The following DCAF7 variants were observed in gnomAD, a reference collection of about 807,000 sequenced individuals.
DCAF7 encodes the protein DDB1 and CUL4 associated factor 7.
Under a neutral mutation model 41.2 loss-of-function variants are expected in DCAF7, and 4 were observed. That is an observed-to-expected ratio of 0.10 (90% CI 0.05 to 0.22). The LOEUF is 0.22. Ranked by LOEUF, DCAF7 falls within the 10% of genes least tolerant of loss-of-function variation. The pLI is 1.00. For missense variants in DCAF7, 131 were observed against 443.2 expected (o/e 0.30, Z 6.32); for synonymous variants, 143 against 164.2 (o/e 0.87, Z 0.99).
At chr17:63,558,370 C>T (rs781128186) in intron 1 of DCAF7, among the ~76,000 whole-genome samples, 9 of 152,220 alleles carry the variant, frequency 5.9e-5, no homozygotes, top group Non-Finnish European at 1.3e-4. Flanking sequence ...GCTATAAATA[C>T]TTGGGGATAT....
chr17:63,559,368 T>C (rs1352993080), intron 1 of DCAF7, among the ~76,000 whole-genome samples: 1 of 83,142 alleles, frequency 1.2e-5, no homozygotes, highest in African/African-American at 6.7e-5. Context: ...TGTATGTATA[T>C]ATATATGTGT....
chr17:63,561,984 G>A (rs1301347598), intron 1 of DCAF7, among the ~76,000 whole-genome samples: 1 of 130,388 alleles, frequency 7.7e-6, no homozygotes, highest in East Asian at 2.3e-4. Context: ...TCTCCAGAGT[G>A]TTCAGAATAA....
At chr17:63,563,092 T>A (rs1327701565) in intron 1 of DCAF7, among the ~76,000 whole-genome samples, 1 of 152,072 alleles carries the variant, frequency 6.6e-6, no homozygotes, top group African/African-American at 2.4e-5. Context: ...CCCAAAATAG[T>A]GGGATAATGG....
At chr17:63,555,850 G>A (rs2033305409) in intron 1 of DCAF7, among the ~76,000 whole-genome samples, 1 of 152,176 alleles carries the variant, frequency 6.6e-6, no homozygotes, top group South Asian at 2.1e-4. Flanking sequence ...ACTTATTGGA[G>A]ATGCTGTCAC....
At chr17:63,572,949 G>T (rs1220285053) in intron 1 of DCAF7, among the ~76,000 whole-genome samples, 2 of 152,076 alleles carry the variant, frequency 1.3e-5, no homozygotes, top group East Asian at 3.9e-4. Context: ...TTTTTGTAGA[G>T]ATGAAGTTTC....
intron 1 of DCAF7, among the ~76,000 whole-genome samples, chr17:63,572,982 C>T (rs1462238293): frequency 6.6e-6 from 1 of 152,120 alleles, no homozygotes; most frequent in Non-Finnish European, 1.5e-5. Flanking sequence ...AGTCTAGTCT[C>T]GAATTCCTGG....
At chr17:63,568,724 G>A (rs2033472069) in intron 1 of DCAF7, among the ~76,000 whole-genome samples, 1 of 152,178 alleles carries the variant, frequency 6.6e-6, no homozygotes, top group Non-Finnish European at 1.5e-5. Context: ...GCAAGAATGA[G>A]CCTCAGGCCT....
Position 63,579,994 on chromosome 17 carries a change from G to A in DCAF7, c.528+51G>A, listed in dbSNP as rs113553586. 4.4e-3 allele frequency: 6,264 copies of A among 1,412,486 alleles called. 237 individuals are homozygous for A. The African/African-American group carries it at 0.078, about 18-fold the overall frequency. The allele number at this position is 1,412,486 out of a possible 1,614,324, so 87.5% of individuals were successfully genotyped here. On this transcript the variant is annotated intron_variant, in intron 4 of 6. Coordinates refer to ENST00000614556, the MANE Select transcript of DCAF7 (RefSeq NM_005828.5). The stretch of plus-strand genomic sequence containing the variant: ...TCCTCAAATGCTTCCTGTGCCTTCC[G>A]CACAGGAAGAGGTCAGCTTGTTCTC...
At chr17:63,564,906 A>T (rs2033424383) in intron 1 of DCAF7, among the ~76,000 whole-genome samples, 1 of 152,226 alleles carries the variant, frequency 6.6e-6, no homozygotes, top group Admixed American at 6.5e-5. Flanking sequence ...ATAGGCGGAA[A>T]TGTGGTGTTG....
intron 5 of DCAF7, among the ~76,000 whole-genome samples, chr17:63,584,350 T>C (rs2033654998): frequency 6.6e-6 from 1 of 152,014 alleles, no homozygotes; most frequent in Admixed American, 6.6e-5. Flanking sequence ...CGCCTGTAGT[T>C]CCAGCTATTC....
rs745412598 is a variant in DCAF7 at position 63,550,799 on chromosome 17, A to G, written c.122A>G (p.Glu41Gly). 1.2e-6 allele frequency: 2 copies of G among 1,613,748 alleles called. No individual in the cohort carries two copies. Among genetic ancestry groups the G allele is most frequent in the Non-Finnish European group, 1.7e-6 (2 of 1,179,782 alleles). ...CGCTTGGCGCTGGGCAGCTTCGTGG[A>G]GGAGTACAACAACAAGGTGGGCCGG... ...RFRLALGSFV[E>G]EYNNKVQLVG... Residue 41 changes from glutamate to glycine, a missense_variant, in exon 1 of 7, where the codon GAG (glutamate) becomes GGG (glycine). By Grantham distance (98) the Glu-to-Gly change is moderately conservative. Transcript: ENST00000614556. The surrounding 1 kb of genome is among the most constrained non-coding windows in gnomAD (Gnocchi z 4.8).
At chr17:63,567,716 G>A (rs944446316) in intron 1 of DCAF7, among the ~76,000 whole-genome samples, 10 of 152,072 alleles carry the variant, frequency 6.6e-5, no homozygotes, top group African/African-American at 2.4e-4. Context: ...CTGGAGTGCG[G>A]TGGCACAATC....
chr17:63,583,727 A>G lies in DCAF7; in HGVS notation c.738+16A>G. ...TGGAATGGAGGTGAGCACTCCTCTC[A>G]GGCTACCATGGGCCCTGCCTAACTC... On this transcript the variant is annotated intron_variant, in intron 5 of 6. Coordinates refer to ENST00000614556, the MANE Select transcript of DCAF7 (RefSeq NM_005828.5). 6.2e-7 allele frequency: 1 copy of G among 1,612,382 alleles called. No individual in the cohort carries two copies. The highest frequency in any genetic ancestry group is 8.5e-7 in the Non-Finnish European group (1 of 1,178,618).
At chr17:63,562,329 A>C (rs970738805) in intron 1 of DCAF7, among the ~76,000 whole-genome samples, 13 of 152,116 alleles carry the variant, frequency 8.5e-5, no homozygotes, top group Non-Finnish European at 1.6e-4. Flanking sequence ...AAAGTCCACA[A>C]ACATTATTAG....
chr17:63,584,529 A>G (rs1033710899), intron 5 of DCAF7, among the ~76,000 whole-genome samples: 20 of 152,114 alleles, frequency 1.3e-4, no homozygotes, highest in Non-Finnish European at 2.4e-4. Context: ...TGGGAGGCCA[A>G]GGTGGGCGGA....
chr17:63,567,328 A>G (rs2033454191), intron 1 of DCAF7, among the ~76,000 whole-genome samples: 1 of 152,188 alleles, frequency 6.6e-6, no homozygotes, highest in Non-Finnish European at 1.5e-5. Flanking sequence ...ATTGAACAAC[A>G]TGAGAGCCAA....
At chr17:63,564,502 C>T (rs947241713) in intron 1 of DCAF7, among the ~76,000 whole-genome samples, 2 of 152,222 alleles carry the variant, frequency 1.3e-5, no homozygotes, top group Non-Finnish European at 2.9e-5. Flanking sequence ...GTGCTGCTCC[C>T]TGGTGAACTA....
intron 1 of DCAF7, among the ~76,000 whole-genome samples, chr17:63,561,720 G>A (rs191082164): frequency 3.0e-4 from 45 of 152,068 alleles, no homozygotes; most frequent in South Asian, 1.7e-3. Context: ...ACCCCATCTC[G>A]AAAGAAGAAA....
At chr17:63,587,369 G>A (rs2033687939) in intron 6 of DCAF7, among the ~76,000 whole-genome samples, 1 of 151,444 alleles carries the variant, frequency 6.6e-6, no homozygotes, top group African/African-American at 2.4e-5. Context: ...AGGGATAGAA[G>A]AAGCAGAAAA....
Sources: allele counts gnomAD v4.1 joint callset (sites outside exome capture counted in the v4.1 genomes callset), GRCh38; gene constraint gnomAD v4.1.1; non-coding constraint Gnocchi (gnomAD v3.1); transcripts MANE v1.5; gene names NCBI Gene and HGNC (gene_info 2026-07-23, HGNC 2026-07-21).